RFX3: variants seen among roughly 807,000 people sequenced by gnomAD.
RFX3 encodes regulatory factor X3, also known as transcription factor RFX3.
In RFX3, 14 loss-of-function variants were observed where a neutral mutation model predicts 98.6. That is an observed-to-expected ratio of 0.14 (90% CI 0.09 to 0.22). The LOEUF (loss-of-function observed/expected upper bound fraction) is 0.22, where lower values mean the gene tolerates loss of function less well. RFX3 is among the 10% of genes least tolerant of loss of function. RFX3 has a pLI of 1.00. For missense variants in RFX3, 639 were observed against 926.9 expected, an observed-to-expected ratio of 0.69 and a Z score of 4.03; for synonymous variants, 383 against 328.4, an observed-to-expected ratio of 1.17 and a Z score of -1.80.
chr9:3,326,591 T>C (rs567704272), intron 4 of RFX3, among the ~76,000 whole-genome samples: 14 of 152,266 alleles, frequency 9.2e-5, no homozygotes, highest in Admixed American at 5.9e-4. Context: ...CAGTATTTGG[T>C]TTTCTGTTCC....
At chr9:3,390,331 A>G (rs1169284997) in intron 2 of RFX3, among the ~76,000 whole-genome samples, 2 of 152,206 alleles carry the variant, frequency 1.3e-5, no homozygotes, top group African/African-American at 2.4e-5. Context: ...AGTGAACTGG[A>G]TAACAGGCAG....
intron 1 of RFX3, among the ~76,000 whole-genome samples, chr9:3,447,853 G>C (rs1440024947): frequency 6.6e-6 from 1 of 152,158 alleles, no homozygotes; most frequent in Non-Finnish European, 1.5e-5. Context: ...TTAAAGGCTA[G>C]CAGTGCTTTT....
rs201751840 is a variant in RFX3, at chr9:3,497,490, A to G, written c.-9+28257T>C. Among the ~76,000 whole-genome samples, 3 of 151,992 alleles carry G rather than the reference A, an allele frequency of 2.0e-5. No homozygotes were observed. In the East Asian group the frequency reaches 5.8e-4, roughly 29 times the overall value. The stretch of plus-strand genomic sequence containing the variant: ...AAAGGCAGTATTTACATTGAACTGG[A>G]GCTGTAACTCATCACTTAGCAGGAA... On this transcript the variant is annotated intron_variant, in intron 1 of 16. Transcript: ENST00000617270.
chr9:3,430,691 T>C (rs1282855746), intron 1 of RFX3, among the ~76,000 whole-genome samples: 5 of 152,210 alleles, frequency 3.3e-5, no homozygotes, highest in Admixed American at 2.0e-4. Flanking sequence ...CAATGTAATG[T>C]TGACCCTTGA....
At chr9:3,393,364 TA>T (rs1379873463) in intron 2 of RFX3, among the ~76,000 whole-genome samples, 4 of 152,134 alleles carry the variant, frequency 2.6e-5, no homozygotes, top group African/African-American at 9.7e-5. Context: ...AAATATTTGA[TA>T]ATATGTAAAT....
At chr9:3,265,086 G>A (rs972228147) in intron 12 of RFX3, among the ~76,000 whole-genome samples, 3 of 148,056 alleles carry the variant, frequency 2.0e-5, no homozygotes, top group Non-Finnish European at 3.1e-5. Context: ...CTCTACATAT[G>A]CCAAAGAGAA....
rs539705869 is a variant in RFX3 at position 3,230,917 on chromosome 9, T to C, written c.1969-2028A>G. The stretch of plus-strand genomic sequence containing the variant: ...TGAAAATTATCTTCAAAAGAAACAT[T>C]GCATTTAGTTGCTACTTAACTCCGA... On this transcript the variant is annotated intron_variant, in intron 15 of 16. Transcript: ENST00000617270. Among the ~76,000 whole-genome samples, 7 of 152,334 alleles carry C rather than the reference T, an allele frequency of 4.6e-5. No homozygotes were observed. In the South Asian group the frequency reaches 1.2e-3, roughly 27 times the overall value.
At chr9:3,302,159 AG>A (rs1933141849) in intron 4 of RFX3, among the ~76,000 whole-genome samples, 1 of 151,896 alleles carries the variant, frequency 6.6e-6, no homozygotes, top group African/African-American at 2.4e-5. Flanking sequence ...ATATGGAAGT[AG>A]GGGGTCATCA....
At chr9:3,250,716 A>G (rs1268338832) in intron 14 of RFX3, among the ~76,000 whole-genome samples, 2 of 152,140 alleles carry the variant, frequency 1.3e-5, no homozygotes, top group African/African-American at 2.4e-5. Context: ...GATGCTGATT[A>G]AACAAGTTAT....
intron 1 of RFX3, among the ~76,000 whole-genome samples, chr9:3,520,755 A>T (rs1375258549): frequency 2.0e-5 from 3 of 152,206 alleles, no homozygotes; most frequent in Non-Finnish European, 1.5e-5. Context: ...AGCCCACTGT[A>T]ACCTGAAACT....
intron 4 of RFX3, among the ~76,000 whole-genome samples, chr9:3,317,893 G>A (rs1830810558): frequency 6.6e-6 from 1 of 152,186 alleles, no homozygotes; most frequent in African/African-American, 2.4e-5. Context: ...AGAGGATGTG[G>A]AGAAATAGGA....
intron 7 of RFX3, among the ~76,000 whole-genome samples, chr9:3,281,264 C>T (rs1232395523): frequency 6.6e-6 from 1 of 150,904 alleles, no homozygotes; most frequent in Non-Finnish European, 1.5e-5. Flanking sequence ...TTTTCTGATT[C>T]TCTATACTCT....
intron 2 of RFX3, among the ~76,000 whole-genome samples, chr9:3,379,006 T>G (rs899535641): frequency 3.9e-5 from 6 of 152,202 alleles, no homozygotes; most frequent in Non-Finnish European, 5.9e-5. Context: ...ACTAAACATG[T>G]AAATAAATTA....
chr9:3,333,369 G>A (rs553238650), intron 3 of RFX3, among the ~76,000 whole-genome samples: 14 of 151,472 alleles, frequency 9.2e-5, no homozygotes, highest in African/African-American at 3.1e-4. Flanking sequence ...TTTCCAGAAA[G>A]AGCCACAGCA....
chr9:3,506,186 A>C (rs1384936307), intron 1 of RFX3, among the ~76,000 whole-genome samples: 1 of 151,548 alleles, frequency 6.6e-6, no homozygotes, highest in Admixed American at 6.6e-5. Context: ...AGGGCTGGAT[A>C]GATTTATGAA....
intron 4 of RFX3, among the ~76,000 whole-genome samples, chr9:3,311,067 T>C (rs907068331): frequency 1.3e-5 from 2 of 152,222 alleles, no homozygotes; most frequent in African/African-American, 2.4e-5. Flanking sequence ...TGTATAACAA[T>C]TGCATTTTCT....
At chr9:3,341,446 C>T (rs1833881069) in intron 3 of RFX3, among the ~76,000 whole-genome samples, 1 of 151,822 alleles carries the variant, frequency 6.6e-6, no homozygotes, top group East Asian at 1.9e-4. Flanking sequence ...AACTGAAGGT[C>T]ATCAATGACC....
At chr9:3,433,406 G>C (rs1342575650) in intron 1 of RFX3, among the ~76,000 whole-genome samples, 1 of 152,048 alleles carries the variant, frequency 6.6e-6, no homozygotes. Flanking sequence ...TCTTCCTTAC[G>C]ATTTTCTTGG....
intron 1 of RFX3, among the ~76,000 whole-genome samples, chr9:3,405,062 C>T (rs1841831009): frequency 6.6e-6 from 1 of 152,188 alleles, no homozygotes; most frequent in Non-Finnish European, 1.5e-5. Context: ...TATCAAATTA[C>T]ACTTGAAATT....
Sources: gnomAD v4.1 joint callset for allele counts (sites outside exome capture counted in the v4.1 genomes callset) on GRCh38, gnomAD v4.1.1 for gene constraint, MANE v1.5 for transcripts, NCBI Gene and HGNC (gene_info 2026-07-23, HGNC 2026-07-21) for gene names.